Variants in YLPM1 observed in about 807,000 individuals in gnomAD.
YLPM1 encodes the protein YLP motif-containing protein 1.
In YLPM1, 99 loss-of-function variants were observed where a neutral mutation model predicts 230.0. The observed-to-expected ratio is 0.43, with a 90% CI of 0.37 to 0.51. The LOEUF (loss-of-function observed/expected upper bound fraction) is 0.51. Among genes scored for constraint, YLPM1 ranks in the 20% least tolerant of loss-of-function variants. The pLI is 0.00. For missense variants in YLPM1, 2,592 were observed against 2,707.7 expected, an observed-to-expected ratio of 0.96 and a Z score of 0.95; for synonymous variants, 984 against 942.5, an observed-to-expected ratio of 1.04 and a Z score of -0.81.
chr14:74,805,597 T>G (rs377055142), intron 6 of YLPM1, among the ~76,000 whole-genome samples: 9 of 152,114 alleles, frequency 5.9e-5, no homozygotes, highest in African/African-American at 2.2e-4. Flanking sequence ...GTGATCCTCA[T>G]GCCTTGTCCT....
chr14:74,825,171 T>C (rs765511211), intron 18 of YLPM1, among the ~76,000 whole-genome samples: 8 of 152,122 alleles, frequency 5.3e-5, no homozygotes, highest in Non-Finnish European at 1.2e-4. Context: ...CTAAGTATCT[T>C]AAATTGATAC....
Position 74,799,277 on chromosome 14 carries a change from A to T in YLPM1, c.3980A>T (p.Asp1327Val). 3 of 1,613,984 alleles carry T rather than the reference A, an allele frequency of 1.9e-6. No individual in the cohort carries two copies. Among genetic ancestry groups the T allele is most frequent in the Non-Finnish European group, 2.5e-6 (3 of 1,179,894 alleles). The change falls in exon 5 of 21, where the codon GAT becomes GTT. Residue 1327 changes from aspartate (D) to valine (V), a missense_variant. Transcript: ENST00000325680. Reference sequence around the variant, plus strand: ...CAAGAATCACAGTTTCGTGAACGGGATATTCCATCTCTTCCACCTTTACCG... The same window carrying T: ...CAAGAATCACAGTTTCGTGAACGGGTTATTCCATCTCTTCCACCTTTACCG... Reference protein sequence around the residue: ...DEQESQFRERDIPSLPPLPPL... With the variant: ...DEQESQFRERVIPSLPPLPPL...
intron 19 of YLPM1, among the ~76,000 whole-genome samples, chr14:74,829,656 G>A (rs1262792996): frequency 6.6e-6 from 1 of 152,124 alleles, no homozygotes; most frequent in Non-Finnish European, 1.5e-5. Context: ...GTATTGAAGA[G>A]AACCTGTGGA....
At chr14:74,779,641 CTTTTT>C (rs10715703) in intron 2 of YLPM1, among the ~76,000 whole-genome samples, 1 of 140,388 alleles carries the variant, frequency 7.1e-6, no homozygotes, top group Non-Finnish European at 1.5e-5. Context: ...TTAAGGTTCA[CTTTTT>C]TTTTTTTTTT....
chr14:74,786,138 C>T (rs889046620), intron 4 of YLPM1, among the ~76,000 whole-genome samples: 8 of 151,630 alleles, frequency 5.3e-5, no homozygotes, highest in African/African-American at 1.2e-4. Flanking sequence ...GAGGGGGGAG[C>T]GGATCATGAG....
At chr14:74,776,164 T>G (rs2091035715) in intron 1 of YLPM1, among the ~76,000 whole-genome samples, 1 of 152,204 alleles carries the variant, frequency 6.6e-6, no homozygotes, top group South Asian at 2.1e-4. Context: ...TTTTATTGAT[T>G]TTAATTAATT....
At chr14:74,765,393 T>C (rs1312064446) in intron 1 of YLPM1, among the ~76,000 whole-genome samples, 1 of 152,208 alleles carries the variant, frequency 6.6e-6, no homozygotes, top group African/African-American at 2.4e-5. Flanking sequence ...TTTACGGTGG[T>C]TTGGCATTAG....
intron 17 of YLPM1, chr14:74,822,019 G>A (rs1566765530): frequency 6.6e-6 from 1 of 152,130 alleles, no homozygotes; most frequent in Non-Finnish European, 1.5e-5. Flanking sequence ...GTGTGATATA[G>A]AGGACTCTTG....
intron 6 of YLPM1, among the ~76,000 whole-genome samples, chr14:74,804,113 C>T (rs534364871): frequency 2.0e-5 from 3 of 152,254 alleles, no homozygotes; most frequent in East Asian, 1.9e-4. Flanking sequence ...GCCGACATCG[C>T]GCCATTGCAC....
rs1204006403 is a variant in YLPM1, at chr14:74,798,659, A to G, written c.3362A>G (p.Glu1121Gly). Reference protein sequence around the residue: ...RGPPRRAGSQERGPLRRAGSR... With the variant: ...RGPPRRAGSQGRGPLRRAGSR... The stretch of plus-strand genomic sequence containing the variant: ...CCACCTCGGAGGGCTGGCAGTCAGG[A>G]GAGGGGACCTCTTCGAAGGGCTGGG... The change falls in exon 5 of 21, where the codon GAG becomes GGG. Residue 1121 changes from glutamate to glycine, a missense_variant. Physicochemically the swap from Glu to Gly is moderately conservative, Grantham distance 98. Around this residue, in one of 4 missense-constraint regions of YLPM1, gnomAD observed 1,862 missense variants for 1,819.8 expected, o/e 1.02. Coordinates refer to ENST00000325680, the MANE Select transcript of YLPM1 (RefSeq NM_019589.3). The G allele has an allele frequency of 6.2e-7, 1 of 1,611,808 alleles. No homozygotes were observed. Among genetic ancestry groups the G allele is most frequent in the Non-Finnish European group, 8.5e-7 (1 of 1,178,670 alleles).
chr14:74,763,688 A>T lies in YLPM1; in HGVS notation c.199A>T (p.Met67Leu), dbSNP rs2090873598. ...HLAQLQQLQQ[M>L]HQKQMQCVLQ... ...GGCGCAGCTCCAGCAGCTGCAGCAG[A>T]TGCACCAGAAGCAAATGCAGTGCGT... is the stretch of plus-strand genomic sequence containing the variant. The change falls in exon 1 of 21, where the codon ATG (methionine) becomes TTG (leucine). Residue 67 changes from methionine to leucine, a missense_variant. By Grantham distance (15) the Met-to-Leu change is conservative. This residue lies in a region of YLPM1 where 1,862 missense variants were observed against 1,819.8 expected (regional missense o/e 1.02). Transcript: ENST00000325680. 6.4e-7 allele frequency: 1 copy of T among 1,570,062 alleles called. No homozygotes were observed. The highest frequency in any genetic ancestry group is 1.1e-5 in the South Asian group (1 of 87,828).
At chr14:74,829,038 G>A (rs528837597) in intron 18 of YLPM1, among the ~76,000 whole-genome samples, 175 bp from the exon 19 acceptor site, 33 of 152,286 alleles carry the variant, frequency 2.2e-4, no homozygotes, top group Non-Finnish European at 2.9e-5. Flanking sequence ...AATGGAAATT[G>A]CACAGAACTT....
intron 16 of YLPM1, among the ~76,000 whole-genome samples, chr14:74,820,421 A>C (rs184810967): frequency 6.6e-6 from 1 of 150,744 alleles, no homozygotes; most frequent in East Asian, 1.9e-4. Context: ...CTAATTTTTT[A>C]TTTTTTTTTA....
Position 74,798,388 on chromosome 14 carries a change from A to G in YLPM1, c.3091A>G (p.Thr1031Ala), listed in dbSNP as rs2091285822. 1 of 1,613,942 alleles carries G rather than the reference A, an allele frequency of 6.2e-7. No individual in the cohort carries two copies. The highest frequency in any genetic ancestry group is 1.7e-5 in the Admixed American group (1 of 60,008). Residue 1031 changes from threonine to alanine, a missense_variant, in exon 5 of 21, where the codon ACA becomes GCA. Coordinates refer to ENST00000325680, the MANE Select transcript of YLPM1 (RefSeq NM_019589.3). The part of the protein sequence containing the change: ...RGPGQSRMED[T>A]RDKGLVNRGR... ...TCCTGGGCAAAGCAGAATGGAAGACACACGGGATAAAGGTCTAGTAAACAG... is the reference window on the plus strand; with the variant it reads ...TCCTGGGCAAAGCAGAATGGAAGACGCACGGGATAAAGGTCTAGTAAACAG...
intron 16 of YLPM1, among the ~76,000 whole-genome samples, chr14:74,819,273 C>CTTT (rs199554037): frequency 4.2e-5 from 5 of 119,778 alleles, no homozygotes; most frequent in Admixed American, 8.3e-5. Flanking sequence ...TGTCATTGTG[C>CTTT]TTTTTTTTTT....
chr14:74,801,691 C>A (rs750746805), intron 5 of YLPM1, among the ~76,000 whole-genome samples: 1 of 152,154 alleles, frequency 6.6e-6, no homozygotes, highest in Non-Finnish European at 1.5e-5. Context: ...CAGGTTGTTT[C>A]ATCTAACATG....
At position 74,798,813 on chromosome 14, in the gene YLPM1, A is replaced by C; in HGVS notation, c.3516A>C (p.Glu1172Asp). Residue 1172 changes from glutamate to aspartate, a missense_variant, in exon 5 of 21, where the codon GAA becomes GAC. Glu to Asp is a conservative substitution (Grantham distance 45, BLOSUM62 2). Around this residue, in one of 4 missense-constraint regions of YLPM1, gnomAD observed 1,862 missense variants for 1,819.8 expected, o/e 1.02. Coordinates refer to ENST00000325680, the MANE Select transcript of YLPM1 (RefSeq NM_019589.3). ...FGRDRGPFRP[E>D]PGDGGEKMYP... ...GTGATAGAGGTCCATTCAGACCAGA[A>C]CCAGGAGATGGTGGGGAAAAAATGT... 1 of 1,613,958 alleles carries C rather than the reference A, an allele frequency of 6.2e-7. No individual in the cohort carries two copies. Among genetic ancestry groups the C allele is most frequent in the Non-Finnish European group, 8.5e-7 (1 of 1,179,876 alleles).
intron 19 of YLPM1, among the ~76,000 whole-genome samples, chr14:74,833,898 T>A (rs2091625290): frequency 2.0e-5 from 3 of 152,142 alleles, no homozygotes; most frequent in Admixed American, 1.3e-4. Context: ...TCTGGTTCTC[T>A]CTCCTTGTCA....
chr14:74,835,586 TG>T, intron 20 of YLPM1, 139 bp downstream of exon 20: 1 of 743,986 alleles, frequency 1.3e-6, no homozygotes, highest in Non-Finnish European at 2.1e-6. Flanking sequence ...ATGTACTAGT[TG>T]TTAACATTTA....
Sources: gnomAD v4.1 joint callset for allele counts (sites outside exome capture counted in the v4.1 genomes callset) on GRCh38, gnomAD v4.1.1 for gene constraint, gnomAD v4.1.1 regional missense constraint, MANE v1.5 for transcripts, NCBI Gene and HGNC (gene_info 2026-07-23, HGNC 2026-07-21) for gene names.